Variants in PPFIA4 observed in about 807,000 individuals in gnomAD.
PPFIA4 encodes PPFI scaffold protein A4.
A neutral mutation model predicts 145.7 loss-of-function variants in PPFIA4; 98 were observed. That is an observed-to-expected ratio of 0.67 (90% CI 0.57 to 0.80). The LOEUF (loss-of-function observed/expected upper bound fraction) is 0.80, where lower values mean the gene tolerates loss of function less well. Ranked by LOEUF, PPFIA4 falls within the 30% of genes least tolerant of loss-of-function variation. The pLI is 0.00. For missense variants in PPFIA4, 1,457 were observed against 1,632.7 expected (o/e 0.89, Z 1.85); for synonymous variants, 628 against 649.6 (o/e 0.97, Z 0.51).
At chr1:203,057,836 G>A (rs149729655) in intron 19 of PPFIA4, among the ~76,000 whole-genome samples, 227 of 152,334 alleles carry the variant, frequency 1.5e-3, no homozygotes, top group Middle Eastern at 3.4e-3. Flanking sequence ...GAGCTAAAGT[G>A]TGAGGGCCAC....
Position 203,058,589 on chromosome 1 carries a change from T to TG in PPFIA4, c.2408-582dup, listed in dbSNP as rs773630902. On this transcript the variant is annotated intron_variant, in intron 19 of 29. Coordinates refer to ENST00000295706, the MANE Select transcript of PPFIA4 (RefSeq NM_001304331.2). The stretch of plus-strand genomic sequence containing the variant: ...CAAACTTGTTGCCTACTGTGCACTG[T>TG]GGGGGGGTGACCGGGACTTAAAAGA... Among the ~76,000 whole-genome samples the TG allele has an allele frequency of 1.4e-4, 22 of 152,260 alleles. 2 individuals are homozygous for TG. Among genetic ancestry groups the TG allele is most frequent in the Admixed American group, 7.8e-4 (12 of 15,290 alleles).
chr1:203,056,777 C>T lies in PPFIA4; in HGVS notation c.2241-7C>T. ...TATTCCGCCCCCTTCTGGCTGTCAC[C>T]CTGTAGTGCCTTGGAGGATCAGGGC... On this transcript the variant is annotated splice_polypyrimidine_tract_variant and splice_region_variant and intron_variant, in intron 18 of 29. Coordinates refer to ENST00000295706, the MANE Select transcript of PPFIA4 (RefSeq NM_001304331.2). 2 of 1,595,854 alleles carry T rather than the reference C, an allele frequency of 1.3e-6. No individual in the cohort carries two copies. Among genetic ancestry groups the T allele is most frequent in the Non-Finnish European group, 1.7e-6 (2 of 1,167,846 alleles).
At chr1:203,035,504 C>CG (rs397811222) in intron 1 of PPFIA4, 3 of 442,748 alleles carry the variant, frequency 6.8e-6, no homozygotes, top group South Asian at 1.6e-5. Flanking sequence ...CCCCCACCCC[C>CG]ACACACGCAC....
Position 203,034,945 on chromosome 1 carries a change from C to A in PPFIA4, c.-399-3665C>A, listed in dbSNP as rs558054474. ...GGTTACATGACGTTGCATCTCAGTT[C>A]TCACTTCTGTGAAATGGGAAGAATA... is the stretch of plus-strand genomic sequence containing the variant. On this transcript the variant is annotated intron_variant, in intron 1 of 29. Coordinates refer to ENST00000295706, the MANE Select transcript of PPFIA4 (RefSeq NM_001304331.2). Among the ~76,000 whole-genome samples the A allele has an allele frequency of 3.9e-5, 6 of 152,308 alleles. No individual in the cohort carries two copies. The South Asian group carries it at 1.2e-3, about 32-fold the overall frequency.
Position 203,059,768 on chromosome 1 carries a change from A to C in PPFIA4, c.2502-2A>C. 9.3e-6 allele frequency: 15 copies of C among 1,612,950 alleles called. No individual in the cohort carries two copies. Among genetic ancestry groups the C allele is most frequent in the Non-Finnish European group, 1.3e-5 (15 of 1,179,324 alleles). ...TGAGTCTGTTGTTCCTCTTCCTATA[A>C]GACACCAGCTGCTTGAAGATGCCCG... is the stretch of plus-strand genomic sequence containing the variant. On this transcript the variant is annotated splice_acceptor_variant, in intron 20 of 29. Transcript: ENST00000295706. LOFTEE classifies it high-confidence loss of function.
rs1356394909 is a variant in PPFIA4, at chr1:203,043,253, C to T, written c.235-144C>T. The T allele has an allele frequency of 2.9e-6, 2 of 691,576 alleles. No homozygotes were observed. The highest frequency in any genetic ancestry group is 5.1e-6 in the Non-Finnish European group (2 of 390,488). The allele number at this position is 691,576 out of a possible 1,614,324, so 42.8% of individuals were successfully genotyped here. A position where few individuals can be genotyped will look rare whatever the true frequency, so the allele number is the denominator to read the frequency against. Reference sequence around the variant, plus strand: ...CACATGCTAGCTACAGGTTTACTGACCTGCAGTGTGGATGGATTGGGATTT... The same window carrying T: ...CACATGCTAGCTACAGGTTTACTGATCTGCAGTGTGGATGGATTGGGATTT... On this transcript the variant is annotated intron_variant, in intron 2 of 29. Coordinates refer to ENST00000295706, the MANE Select transcript of PPFIA4 (RefSeq NM_001304331.2). The surrounding 1 kb of genome is among the most constrained non-coding windows in gnomAD (Gnocchi z 4.4).
Position 203,045,384 on chromosome 1 carries a change from T to TA in PPFIA4, c.684dup (p.Glu229ArgfsTer13), listed in dbSNP as rs1448496647. 1 of 1,602,836 alleles carries TA rather than the reference T, an allele frequency of 6.2e-7. No homozygotes were observed. Among genetic ancestry groups the TA allele is most frequent in the African/African-American group, 1.3e-5 (1 of 74,664 alleles). On this transcript the variant is annotated frameshift_variant, in exon 7 of 30. Transcript: ENST00000295706. LOFTEE classifies it high-confidence loss of function. ...TCCCTGGAGGAGGATACGGGCCGGG[T>TA]AGAGGAGCTGCAGGAGCTCCTGGAG...
At chr1:203,076,165 G>C in intron 29 of PPFIA4, 176 bp from the exon 30 acceptor site, 1 of 698,896 alleles carries the variant, frequency 1.4e-6, no homozygotes, top group Non-Finnish European at 2.4e-6. Context: ...TGGCCCTGCC[G>C]CTCCAGTCCC....
rs1463779869 is a variant in PPFIA4 at position 203,026,539 on chromosome 1, T to A, written c.-490T>A. The A allele has an allele frequency of 1.3e-5, 2 of 152,224 alleles. No homozygotes were observed. The highest frequency in any genetic ancestry group is 2.9e-5 in the Non-Finnish European group (2 of 68,066). The allele number at this position is 152,224 out of a possible 1,614,324, so 9.4% of individuals were successfully genotyped here. A position where few individuals can be genotyped will look rare whatever the true frequency, so the allele number is the denominator to read the frequency against. On this transcript the variant is annotated 5_prime_UTR_variant, in exon 1 of 30. Transcript: ENST00000295706. ...AGGCTGCAGCTACCTCGGCGCCGGC[T>A]CGGCTCTAGGACGTGTCGGGCTGCA...
intron 1 of PPFIA4, among the ~76,000 whole-genome samples, chr1:203,036,275 G>C (rs1051836094): frequency 6.6e-6 from 1 of 152,164 alleles, no homozygotes; most frequent in Non-Finnish European, 1.5e-5. Context: ...GTTTTGTCTT[G>C]TAGCCGAAGC....
chr1:203,054,435 C>G (rs1000523557), intron 15 of PPFIA4, among the ~76,000 whole-genome samples: 2 of 152,198 alleles, frequency 1.3e-5, no homozygotes, highest in African/African-American at 4.8e-5. Context: ...GATTCAAACT[C>G]AAGTCTGAAC....
At chr1:203,074,249 C>A (rs1481420297) in intron 28 of PPFIA4, among the ~76,000 whole-genome samples, 1 of 152,046 alleles carries the variant, frequency 6.6e-6, no homozygotes, top group Admixed American at 6.5e-5. Context: ...TTACACAAAC[C>A]TAGGGGGTAT....
intron 27 of PPFIA4, among the ~76,000 whole-genome samples, chr1:203,071,430 C>G (rs942021761): frequency 6.8e-6 from 1 of 147,578 alleles, no homozygotes; most frequent in Non-Finnish European, 1.5e-5. Context: ...CTCGGCCTCC[C>G]AAAGTGCCCG....
rs772268392 is a variant in PPFIA4, at chr1:203,038,934, G to C, written c.-75G>C. ...TGCCCACTCTGAGACCCATGCACTG[G>C]GTTCCCCTGGAGGTGCCAACCCTGT... On this transcript the variant is annotated 5_prime_UTR_variant, in exon 2 of 30. Coordinates refer to ENST00000295706, the MANE Select transcript of PPFIA4 (RefSeq NM_001304331.2). 23 of 757,170 alleles carry C rather than the reference G, an allele frequency of 3.0e-5. No individual in the cohort carries two copies. The South Asian group carries it at 4.0e-4, about 13-fold the overall frequency. 46.9% of individuals were successfully genotyped at this position (757,170 alleles called of 1,614,324 possible). A position where few individuals can be genotyped will look rare whatever the true frequency, so the allele number is the denominator to read the frequency against.
rs1236924158 is a variant in PPFIA4 at position 203,048,357 on chromosome 1, C to T, written c.1224+47C>T. 1.3e-6 allele frequency: 2 copies of T among 1,587,450 alleles called. No individual in the cohort carries two copies. Among genetic ancestry groups the T allele is most frequent in the Non-Finnish European group, 1.7e-6 (2 of 1,164,892 alleles). The stretch of plus-strand genomic sequence containing the variant: ...CTCAGGCCCCCTCCTTCCCGCAGGA[C>T]AGGCTCCCAGGGCGGTCTGTGGAAG... On this transcript the variant is annotated intron_variant, in intron 10 of 29. Coordinates refer to ENST00000295706, the MANE Select transcript of PPFIA4 (RefSeq NM_001304331.2). The surrounding 1 kb of genome is among the most constrained non-coding windows in gnomAD (Gnocchi z 5.8).
intron 1 of PPFIA4, chr1:203,034,704 G>T (rs1442167393): frequency 4.4e-6 from 2 of 456,676 alleles, no homozygotes; most frequent in East Asian, 1.4e-4. Context: ...GCTCTGCAGA[G>T]GCCTTCCCCA....
chr1:203,043,464 T>A lies in PPFIA4; in HGVS notation c.302T>A (p.Ile101Lys). ...CAGCTTCTAGAGCGGGAGGAAGAGA[T>A]ATCAGAACTGAAAGCAGAACGGAAT... is the stretch of plus-strand genomic sequence containing the variant. ...REQLLEREEE[I>K]SELKAERNNT... Residue 101 changes from isoleucine to lysine, a missense_variant, in exon 3 of 30, where the codon ATA becomes AAA. Around this residue, in one of 3 missense-constraint regions of PPFIA4, gnomAD observed 463 missense variants for 459.8 expected, o/e 1.01. Coordinates refer to ENST00000295706, the MANE Select transcript of PPFIA4 (RefSeq NM_001304331.2). This position sits in a 1 kb window ranked among gnomAD's most constrained non-coding sequence, Gnocchi z 4.4. 1 of 1,611,374 alleles carries A rather than the reference T, an allele frequency of 6.2e-7. No homozygotes were observed. Among genetic ancestry groups the A allele is most frequent in the Non-Finnish European group, 8.5e-7 (1 of 1,179,280 alleles).
At chr1:203,050,523 T>G (rs1372829734) in intron 13 of PPFIA4, among the ~76,000 whole-genome samples, 1 of 152,178 alleles carries the variant, frequency 6.6e-6, no homozygotes, top group African/African-American at 2.4e-5. Flanking sequence ...ATCAGAACCC[T>G]TGCCGTTCCC....
intron 9 of PPFIA4, among the ~76,000 whole-genome samples, chr1:203,047,154 C>A (rs867136105): frequency 3.3e-5 from 5 of 152,202 alleles, no homozygotes; most frequent in Non-Finnish European, 7.3e-5. Flanking sequence ...AGAGGCTGGC[C>A]GGCCAGTGTG....
Sources: allele counts gnomAD v4.1 joint callset (sites outside exome capture counted in the v4.1 genomes callset), GRCh38; gene constraint gnomAD v4.1.1; regional missense constraint gnomAD v4.1.1; non-coding constraint Gnocchi (gnomAD v3.1); transcripts MANE v1.5; gene names NCBI Gene and HGNC (gene_info 2026-07-23, HGNC 2026-07-21).